THSD7B: variants seen among roughly 807,000 people sequenced by gnomAD.
The protein encoded by THSD7B is thrombospondin type 1 domain containing 7B.
In THSD7B, 138 loss-of-function variants were observed where a neutral mutation model predicts 213.6. That is an observed-to-expected ratio of 0.65 (90% CI 0.56 to 0.74). The LOEUF is 0.74. THSD7B is among the 30% of genes least tolerant of loss of function. The pLI, the probability that THSD7B is intolerant of heterozygous loss-of-function variation, is 0.00. For missense variants in THSD7B, 1,931 were observed against 1,991.5 expected, an observed-to-expected ratio of 0.97 and a Z score of 0.58; for synonymous variants, 742 against 687.0, an observed-to-expected ratio of 1.08 and a Z score of -1.25.
intron 12 of THSD7B, among the ~76,000 whole-genome samples, chr2:137,353,795 G>C (rs555171451): frequency 6.6e-6 from 1 of 152,210 alleles, no homozygotes; most frequent in South Asian, 2.1e-4. Context: ...TTACCTTTCA[G>C]AATGTCATGC....
intron 15 of THSD7B, among the ~76,000 whole-genome samples, chr2:137,522,748 A>T (rs1438354602): frequency 1.3e-5 from 2 of 152,186 alleles, no homozygotes; most frequent in Non-Finnish European, 2.9e-5. Context: ...GCAGATTTTG[A>T]TTAGAAATCT....
intron 15 of THSD7B, among the ~76,000 whole-genome samples, chr2:137,485,812 C>T (rs532655446): frequency 3.7e-4 from 57 of 152,242 alleles, no homozygotes; most frequent in African/African-American, 1.3e-3. Context: ...AGAAACTCTA[C>T]AAGCCAGAAG....
intron 2 of THSD7B, among the ~76,000 whole-genome samples, chr2:136,922,868 C>T (rs1371546446): frequency 6.6e-6 from 1 of 152,132 alleles, no homozygotes; most frequent in East Asian, 1.9e-4. Flanking sequence ...TTCTTGACCC[C>T]CAAGTGCCAT....
chr2:137,101,455 A>C (rs1688148179), intron 4 of THSD7B, among the ~76,000 whole-genome samples: 1 of 152,196 alleles, frequency 6.6e-6, no homozygotes, highest in African/African-American at 2.4e-5. Flanking sequence ...ATTGTTTAAG[A>C]AGCTTTTCTG....
intron 6 of THSD7B, among the ~76,000 whole-genome samples, chr2:137,170,191 T>C (rs35257466): frequency 0.046 from 7,029 of 152,166 alleles, 200 homozygotes; most frequent in Admixed American, 0.069. Flanking sequence ...CATTGACCCA[T>C]GTCTAGCCTG....
In THSD7B at chr2:137,239,360, TCACCA is replaced by T. The variant is rs1681849082; in HGVS notation, c.2151-3096_2151-3092del. The stretch of plus-strand genomic sequence containing the variant: ...TTGATTGGGAAAACAGACACATAGT[TCACCA>T]ATATAAAAAGGTGAACAGTTGGAAG... On this transcript the variant is annotated intron_variant, in intron 9 of 27. Transcript: ENST00000409968. 5.3e-5 allele frequency among the ~76,000 whole-genome samples: 8 copies of T among 152,224 alleles called. 1 individual carries two copies. The South Asian group carries it at 1.7e-3, about 32-fold the overall frequency.
intron 1 of THSD7B, among the ~76,000 whole-genome samples, chr2:136,868,736 G>A (rs1683384967): frequency 6.6e-6 from 1 of 152,030 alleles, no homozygotes; most frequent in African/African-American, 2.4e-5. Context: ...ACCGTTAAAT[G>A]TCAGCCTACA....
intron 16 of THSD7B, among the ~76,000 whole-genome samples, chr2:137,571,081 A>T (rs923477411): frequency 4.6e-5 from 7 of 152,184 alleles, no homozygotes; most frequent in African/African-American, 1.7e-4. Context: ...GAGGTCAAGA[A>T]ACAAAATGTT....
chr2:137,136,763 C>G (rs1679469872), intron 5 of THSD7B, among the ~76,000 whole-genome samples: 2 of 152,150 alleles, frequency 1.3e-5, no homozygotes, highest in African/African-American at 4.8e-5. Flanking sequence ...TTTCTGATTG[C>G]CTTTTTATGT....
chr2:137,296,606 T>C (rs1466370797), intron 12 of THSD7B, among the ~76,000 whole-genome samples: 1 of 152,204 alleles, frequency 6.6e-6, no homozygotes, highest in East Asian at 1.9e-4. Flanking sequence ...TTTTTACTAA[T>C]GGTTAATTAC....
chr2:136,893,866 C>A (rs893014104), intron 2 of THSD7B, among the ~76,000 whole-genome samples: 4 of 152,232 alleles, frequency 2.6e-5, no homozygotes, highest in Non-Finnish European at 5.9e-5. Flanking sequence ...ATACTTATTA[C>A]CTTATTCTAA....
At chr2:136,852,765 A>AT (rs1683119476) in intron 1 of THSD7B, among the ~76,000 whole-genome samples, 1 of 152,064 alleles carries the variant, frequency 6.6e-6, no homozygotes, top group African/African-American at 2.4e-5. Flanking sequence ...AAATATTTTT[A>AT]TTTTTGCAGT....
chr2:136,871,439 A>G (rs1683430974), intron 1 of THSD7B, among the ~76,000 whole-genome samples: 1 of 152,172 alleles, frequency 6.6e-6, no homozygotes, highest in African/African-American at 2.4e-5. Context: ...GAGGCTGAAA[A>G]TAAATAGCCT....
At chr2:136,919,185 T>C (rs1402652973) in intron 2 of THSD7B, among the ~76,000 whole-genome samples, 1 of 152,212 alleles carries the variant, frequency 6.6e-6, no homozygotes, top group Non-Finnish European at 1.5e-5. Flanking sequence ...ACCTTTTTAC[T>C]CTCTCAAAGC....
chr2:137,555,799 A>T (rs551529839), intron 15 of THSD7B, among the ~76,000 whole-genome samples: 2 of 152,340 alleles, frequency 1.3e-5, no homozygotes, highest in East Asian at 3.9e-4. Context: ...CCTTGAAAAA[A>T]GACTAGACGA....
intron 4 of THSD7B, among the ~76,000 whole-genome samples, chr2:137,099,514 C>A (rs2104923266): frequency 6.6e-6 from 1 of 152,242 alleles, no homozygotes; most frequent in South Asian, 2.1e-4. Flanking sequence ...AATAGAGAGG[C>A]CCATTCTGGT....
intron 3 of THSD7B, among the ~76,000 whole-genome samples, chr2:137,086,096 C>T (rs1687836391): frequency 6.6e-6 from 1 of 152,058 alleles, no homozygotes; most frequent in Non-Finnish European, 1.5e-5. Flanking sequence ...CCTGTAATCC[C>T]AGCACTTTGG....
chr2:136,985,881 G>A (rs1347759117), intron 2 of THSD7B, among the ~76,000 whole-genome samples: 1 of 152,252 alleles, frequency 6.6e-6, no homozygotes, highest in Non-Finnish European at 1.5e-5. Flanking sequence ...GGCTTTGGGA[G>A]CCCACTCCTT....
intron 1 of THSD7B, among the ~76,000 whole-genome samples, chr2:136,799,183 CA>C (rs935394516): frequency 7.9e-5 from 12 of 151,786 alleles, no homozygotes; most frequent in Non-Finnish European, 1.8e-4. Flanking sequence ...TTTCACATAG[CA>C]AAAAAGATGT....
Sources: allele counts gnomAD v4.1 joint callset (sites outside exome capture counted in the v4.1 genomes callset), GRCh38; gene constraint gnomAD v4.1.1; transcripts MANE v1.5; gene names NCBI Gene and HGNC (gene_info 2026-07-23, HGNC 2026-07-21).